WDR25: variants seen among roughly 807,000 people sequenced by gnomAD.
WDR25 encodes WD repeat-containing protein 25.
WDR25 carries 35 observed loss-of-function variants against 47.7 expected under a neutral mutation model. The observed-to-expected ratio is 0.73, with a 90% CI of 0.56 to 0.97. The LOEUF (loss-of-function observed/expected upper bound fraction) is 0.97. Among genes scored for constraint, WDR25 ranks in the 50% least tolerant of loss-of-function variants. The pLI is 0.00. For synonymous variants in WDR25, 248 were observed against 278.9 expected (o/e 0.89, Z 1.10); for missense variants, 634 against 704.7 (o/e 0.90, Z 1.14).
intron 2 of WDR25, among the ~76,000 whole-genome samples, chr14:100,442,500 A>G (rs1898700763): frequency 6.6e-6 from 1 of 152,158 alleles, no homozygotes. Context: ...TCCCACACAA[A>G]ACCAGATCAG....
intron 2 of WDR25, chr14:100,382,005 AG>A (rs1452428273): frequency 2.9e-6 from 2 of 696,534 alleles, no homozygotes; most frequent in East Asian, 2.7e-5. Context: ...GCCGTGAGGG[AG>A]GAGGTGAGAG....
At chr14:100,435,717 G>A (rs1259127897) in intron 2 of WDR25, among the ~76,000 whole-genome samples, 1 of 152,170 alleles carries the variant, frequency 6.6e-6, no homozygotes, top group African/African-American at 2.4e-5. Context: ...GGTTAACACA[G>A]TGAGCAGGAA....
intron 2 of WDR25, among the ~76,000 whole-genome samples, chr14:100,395,828 C>T (rs1349139592): frequency 6.6e-6 from 1 of 152,134 alleles, no homozygotes; most frequent in East Asian, 1.9e-4. Context: ...CTGCACTCCC[C>T]CACCCACCCC....
Position 100,381,731 on chromosome 14 carries a change from G to A in WDR25, c.807G>A (p.Met269Ile). Residue 269 changes from methionine (M) to isoleucine (I), a missense_variant, in exon 2 of 7, where the codon ATG (methionine) becomes ATA (isoleucine). Transcript: ENST00000402312. The stretch of plus-strand genomic sequence containing the variant: ...GCCACATGCTTCTCTCCACTTCTAT[G>A]GATAAAACTTTCAAGGTAAGACTTG... ...SKSHMLLSTS[M>I]DKTFKVWNAV... is the part of the protein sequence containing the mutation. 1 of 1,599,826 alleles carries A rather than the reference G, an allele frequency of 6.3e-7. No individual in the cohort carries two copies. Among genetic ancestry groups the A allele is most frequent in the Non-Finnish European group, 8.5e-7 (1 of 1,174,026 alleles).
chr14:100,512,247 G>T (rs1315393561), intron 4 of WDR25, among the ~76,000 whole-genome samples: 1 of 152,128 alleles, frequency 6.6e-6, no homozygotes, highest in Non-Finnish European at 1.5e-5. Flanking sequence ...TTTGTGGGAA[G>T]ATTTGAAATT....
Position 100,488,190 on chromosome 14 carries a change from G to A in WDR25, c.1101+4066G>A, listed in dbSNP as rs1248665305. On this transcript the variant is annotated intron_variant, in intron 4 of 6. Transcript: ENST00000402312. This position sits in a 1 kb window ranked among gnomAD's most constrained non-coding sequence, Gnocchi z 4.2. ...CACATCTCATTAGTGCAAAGTGCCT[G>A]ACTTCATCTCCAGAGGTCGGCAGGA... Among the ~76,000 whole-genome samples, 1 of 152,132 alleles carries A rather than the reference G, an allele frequency of 6.6e-6. No homozygotes were observed. The highest frequency in any genetic ancestry group is 1.5e-5 in the Non-Finnish European group (1 of 68,026).
chr14:100,426,412 G>A (rs941924), intron 2 of WDR25, among the ~76,000 whole-genome samples: 58,379 of 152,194 alleles, frequency 0.38, 13,289 homozygotes, highest in South Asian at 0.67. Context: ...ATAAATTTGT[G>A]TTCCAAGTTC....
intron 5 of WDR25, among the ~76,000 whole-genome samples, chr14:100,528,802 C>T (rs1389439929): frequency 6.6e-6 from 1 of 152,200 alleles, no homozygotes; most frequent in East Asian, 1.9e-4. Context: ...AAACTGGATT[C>T]CCCTCCAGCC....
chr14:100,389,537 G>C (rs1897092859), intron 2 of WDR25, among the ~76,000 whole-genome samples: 1 of 152,128 alleles, frequency 6.6e-6, no homozygotes, highest in South Asian at 2.1e-4. Context: ...GCAAGCCGGG[G>C]GACAGAAGCC....
At chr14:100,423,636 G>A (rs1334548092) in intron 2 of WDR25, among the ~76,000 whole-genome samples, 1 of 152,136 alleles carries the variant, frequency 6.6e-6, no homozygotes, top group East Asian at 1.9e-4. Context: ...GAATTTCCTC[G>A]AAAACGGAAC....
intron 5 of WDR25, among the ~76,000 whole-genome samples, chr14:100,527,639 G>T (rs1186975452): frequency 6.6e-6 from 1 of 152,190 alleles, no homozygotes; most frequent in Non-Finnish European, 1.5e-5. Flanking sequence ...GGCCTCTGAG[G>T]GTGTCCTGCC....
At chr14:100,495,852 T>A (rs1900713141) in intron 4 of WDR25, among the ~76,000 whole-genome samples, 1 of 152,206 alleles carries the variant, frequency 6.6e-6, no homozygotes, top group African/African-American at 2.4e-5. Flanking sequence ...ATATACACAT[T>A]TTGTTTCTCC....
rs186544379 is a variant in WDR25 at position 100,478,549 on chromosome 14, A to T, written c.971-5445A>T. On this transcript the variant is annotated intron_variant, in intron 3 of 6. Coordinates refer to ENST00000402312, the MANE Select transcript of WDR25 (RefSeq NM_001161476.3). ...TAGGTATCCAGAAACTTACTAAAAA[A>T]TTTAAAAATCTTGTAGTTTTGAACC... Among the ~76,000 whole-genome samples the T allele has an allele frequency of 4.8e-3, 728 of 152,364 alleles. 5 individuals carry two copies. The highest frequency in any genetic ancestry group is 0.017 in the African/African-American group (688 of 41,584).
At chr14:100,459,892 G>GTGTGTA (rs1333272343) in intron 2 of WDR25, among the ~76,000 whole-genome samples, 2 of 35,188 alleles carry the variant, frequency 5.7e-5, no homozygotes, top group Non-Finnish European at 9.2e-5. Flanking sequence ...ATGTGTGTGT[G>GTGTGTA]TGTATATATA....
chr14:100,424,457 A>G lies in WDR25; in HGVS notation c.822+42711A>G, dbSNP rs1898112325. Reference sequence around the variant, plus strand: ...AATCCTTTGCTACTGGGGACCCGCCACTGACCCCAGGGCTTTCTTGTATCA... The same window carrying G: ...AATCCTTTGCTACTGGGGACCCGCCGCTGACCCCAGGGCTTTCTTGTATCA... On this transcript the variant is annotated intron_variant, in intron 2 of 6. Coordinates refer to ENST00000402312, the MANE Select transcript of WDR25 (RefSeq NM_001161476.3). This position sits in a 1 kb window ranked among gnomAD's most constrained non-coding sequence, Gnocchi z 4.2. Among the ~76,000 whole-genome samples the G allele has an allele frequency of 6.6e-6, 1 of 152,214 alleles. No individual in the cohort carries two copies. Among genetic ancestry groups the G allele is most frequent in the Admixed American group, 6.5e-5 (1 of 15,288 alleles).
intron 2 of WDR25, among the ~76,000 whole-genome samples, chr14:100,446,550 C>CAAAAAAAAAAAAAAAAAAAAAAAAAAA (rs55946078): frequency 1.3e-5 from 1 of 75,012 alleles, no homozygotes. Flanking sequence ...GACTCCATCT[C>CAAAAAAAAAAAAAAAAAAAAAAAAAAA]AAAAAAAAAA....
intron 2 of WDR25, among the ~76,000 whole-genome samples, chr14:100,415,712 G>A (rs1445265606): frequency 6.6e-6 from 1 of 152,146 alleles, no homozygotes; most frequent in Admixed American, 6.5e-5. Flanking sequence ...TCATGGGATC[G>A]CTATGGGAAC....
intron 3 of WDR25, among the ~76,000 whole-genome samples, chr14:100,481,643 G>T (rs903307047): frequency 6.6e-6 from 1 of 152,070 alleles, no homozygotes; most frequent in African/African-American, 2.4e-5. Flanking sequence ...TGCATTTAAC[G>T]TCTTGAATGT....
chr14:100,528,999 C>T (rs2030329659), intron 5 of WDR25, 69 bp from the exon 6 acceptor site: 1 of 1,486,750 alleles, frequency 6.7e-7, no homozygotes, highest in Non-Finnish European at 9.0e-7. Flanking sequence ...GAGCAGGCCC[C>T]AGGCCCCAGA....
Sources: allele counts gnomAD v4.1 joint callset (sites outside exome capture counted in the v4.1 genomes callset), GRCh38; gene constraint gnomAD v4.1.1; non-coding constraint Gnocchi (gnomAD v3.1); transcripts MANE v1.5; gene names NCBI Gene and HGNC (gene_info 2026-07-23, HGNC 2026-07-21).